The following LYRM4 variants were observed in gnomAD, a reference collection of about 807,000 sequenced individuals.
LYRM4 encodes the protein LYR motif containing 4.
LYRM4 carries 9 observed loss-of-function variants against 11.7 expected under a neutral mutation model. The ratio of observed to expected loss-of-function variants is 0.77; its 90% CI spans 0.46 to 1.34. LYRM4 has a LOEUF of 1.34. Among genes scored for constraint, LYRM4 ranks in the 40% most tolerant of loss-of-function variants. The pLI is 0.00. For missense variants in LYRM4, 133 were observed against 112.5 expected, an observed-to-expected ratio of 1.18 and a Z score of -0.82; for synonymous variants, 42 against 40.4, an observed-to-expected ratio of 1.04 and a Z score of -0.15.
intron 2 of LYRM4, among the ~76,000 whole-genome samples, chr6:5,149,328 A>G: frequency 6.6e-6 from 1 of 152,164 alleles, no homozygotes; most frequent in Non-Finnish European, 1.5e-5. Context: ...CAGGATCGGT[A>G]TTTTATGGCA....
At chr6:5,074,004 C>A in the LYRM4 span, among the ~76,000 whole-genome samples, 2 of 152,002 alleles carry the variant, frequency 1.3e-5, no homozygotes, top group Admixed American at 1.3e-4. Flanking sequence ...TCCAACACCA[C>A]CAATGCCTCA....
chr6:5,090,015 G>GACACACACACACACACACACACACACAC, the LYRM4 span, among the ~76,000 whole-genome samples: 17 of 149,746 alleles, frequency 1.1e-4, no homozygotes, highest in East Asian at 5.9e-4. This position sits in a 1 kb window ranked among gnomAD's most constrained non-coding sequence, Gnocchi z 4.8. Flanking sequence ...CTGAAAGGAA[G>GACACACACACACACACACACACACACAC]ACACACACAC....
intron 2 of LYRM4, among the ~76,000 whole-genome samples, chr6:5,149,614 G>C (rs1757977257): frequency 1.3e-5 from 2 of 151,914 alleles, no homozygotes; most frequent in South Asian, 2.1e-4. Context: ...ATGTCTTCTG[G>C]GGGTGGGGGT....
intron 2 of LYRM4, among the ~76,000 whole-genome samples, chr6:5,142,744 A>T (rs1203949926): frequency 6.6e-6 from 1 of 152,188 alleles, no homozygotes; most frequent in Non-Finnish European, 1.5e-5. Flanking sequence ...TAGCCCTTGC[A>T]TTAGGAGATG....
At chr6:5,055,062 T>C in the LYRM4 span, among the ~76,000 whole-genome samples, 1 of 152,184 alleles carries the variant, frequency 6.6e-6, no homozygotes, top group Non-Finnish European at 1.5e-5. This position sits in a 1 kb window ranked among gnomAD's most constrained non-coding sequence, Gnocchi z 4.5. Flanking sequence ...ATTTGGAGGC[T>C]TCATCTACAT....
In LYRM4 at chr6:5,108,861, A is replaced by G. The variant is rs764501433; in HGVS notation, c.*562T>C. 61 of 987,058 alleles carry G rather than the reference A, an allele frequency of 6.2e-5. No homozygotes were observed. In the East Asian group the frequency reaches 1.1e-3, roughly 18 times the overall value. 61.1% of individuals were successfully genotyped at this position (987,058 alleles called of 1,614,324 possible). On this transcript the variant is annotated 3_prime_UTR_variant, in exon 3 of 3. Coordinates refer to ENST00000330636, the MANE Select transcript of LYRM4 (RefSeq NM_020408.6). ...CACCTTTGTTGTACTGGGCTCAGGT[A>G]TAAGTTGCAGGGTGCACCGTGTATC...
intron 2 of LYRM4, among the ~76,000 whole-genome samples, chr6:5,160,543 G>A (rs896088889): frequency 2.0e-5 from 3 of 152,046 alleles, no homozygotes; most frequent in Non-Finnish European, 4.4e-5. Flanking sequence ...AAAGGACTGA[G>A]CACCACCAAG....
the LYRM4 span, among the ~76,000 whole-genome samples, chr6:5,067,172 G>A: frequency 6.6e-6 from 1 of 152,194 alleles, no homozygotes; most frequent in African/African-American, 2.4e-5. Flanking sequence ...CATTCCCCAT[G>A]TGCATCTTTC....
intron 1 of LYRM4, among the ~76,000 whole-genome samples, chr6:5,260,165 A>C (rs934766717): frequency 3.3e-5 from 5 of 152,168 alleles, no homozygotes; most frequent in African/African-American, 1.2e-4. Context: ...CTTGCAACCA[A>C]AAGAACTCAT....
At chr6:5,227,821 A>G (rs971949536) in intron 1 of LYRM4, among the ~76,000 whole-genome samples, 3 of 152,208 alleles carry the variant, frequency 2.0e-5, no homozygotes, top group African/African-American at 7.2e-5. Context: ...GAATGAGATC[A>G]TGTCCTTTGC....
At chr6:5,227,678 T>G (rs1762972462) in intron 1 of LYRM4, among the ~76,000 whole-genome samples, 1 of 151,810 alleles carries the variant, frequency 6.6e-6, no homozygotes, top group South Asian at 2.1e-4. Context: ...TAAAGACACA[T>G]GCACACGTAT....
chr6:5,138,967 G>A (rs1467201507), intron 2 of LYRM4, among the ~76,000 whole-genome samples: 1 of 152,168 alleles, frequency 6.6e-6, no homozygotes, highest in African/African-American at 2.4e-5. Flanking sequence ...CAAAGTGATT[G>A]TTGCACATAA....
At chr6:5,253,883 T>C (rs1482378266) in intron 1 of LYRM4, among the ~76,000 whole-genome samples, 3 of 151,406 alleles carry the variant, frequency 2.0e-5, no homozygotes, top group African/African-American at 4.9e-5. Context: ...TCTTATTCCA[T>C]GCAACAATGA....
the LYRM4 span, among the ~76,000 whole-genome samples, chr6:5,051,016 AG>A: frequency 2.4e-4 from 36 of 152,222 alleles, no homozygotes; most frequent in Admixed American, 1.3e-4. Context: ...GGAGCTAAAA[AG>A]TACAATAACA....
At chr6:5,133,308 T>C (rs1403304092) in intron 2 of LYRM4, among the ~76,000 whole-genome samples, 4 of 152,264 alleles carry the variant, frequency 2.6e-5, no homozygotes, top group Non-Finnish European at 5.9e-5. Context: ...TTTTTGTGAC[T>C]GTAGGCAGCA....
chr6:5,111,546 G>C (rs1351116747), intron 2 of LYRM4, among the ~76,000 whole-genome samples: 1 of 152,234 alleles, frequency 6.6e-6, no homozygotes, highest in Non-Finnish European at 1.5e-5. Context: ...GGAGAAGGAA[G>C]GTATATGCTA....
At chr6:5,148,540 T>C (rs575223255) in intron 2 of LYRM4, among the ~76,000 whole-genome samples, 209 of 28,402 alleles carry the variant, frequency 7.4e-3, no homozygotes, top group Middle Eastern at 0.017. Context: ...GAACAAGTCA[T>C]GGTGCCTTCT....
At chr6:5,138,824 A>G in intron 2 of LYRM4, 3 of 1,009,834 alleles carry the variant, frequency 3.0e-6, no homozygotes, top group Non-Finnish European at 4.4e-6. Context: ...AACAGAAGCA[A>G]GTGCTAGAGG....
At chr6:5,176,122 T>TGGC (rs1457834115) in intron 2 of LYRM4, among the ~76,000 whole-genome samples, 2 of 151,076 alleles carry the variant, frequency 1.3e-5, no homozygotes, top group African/African-American at 4.9e-5. Flanking sequence ...TGGAGTGCAG[T>TGGC]GGCGTGATCT....
Sources: gnomAD v4.1 joint callset for allele counts (sites outside exome capture counted in the v4.1 genomes callset) on GRCh38, gnomAD v4.1.1 for gene constraint, Gnocchi (gnomAD v3.1) non-coding constraint, MANE v1.5 for transcripts, NCBI Gene and HGNC (gene_info 2026-07-23, HGNC 2026-07-21) for gene names.